Variants in MTCL2 observed in about 807,000 individuals in gnomAD.
The protein encoded by MTCL2 is microtubule cross-linking factor 2.
chr20:36,829,724 G>A, the MTCL2 span, among the ~76,000 whole-genome samples: 1 of 152,036 alleles, frequency 6.6e-6, no homozygotes, highest in African/African-American at 2.4e-5. Flanking sequence ...TCAGCCGGGC[G>A]CAGTGGCTCA....
the MTCL2 span, among the ~76,000 whole-genome samples, chr20:36,850,223 T>C: frequency 6.6e-6 from 1 of 152,062 alleles, no homozygotes; most frequent in Admixed American, 6.6e-5. Context: ...TCCACACCTG[T>C]TTCCCACCTC....
the MTCL2 span, among the ~76,000 whole-genome samples, chr20:36,846,079 G>A: frequency 3.7e-4 from 57 of 152,158 alleles, no homozygotes; most frequent in African/African-American, 1.3e-3. Flanking sequence ...GGTGGCTCAC[G>A]ACTGTAATCC....
At chr20:36,794,932 CT>C in the MTCL2 span, among the ~76,000 whole-genome samples, 35 of 147,360 alleles carry the variant, frequency 2.4e-4, no homozygotes, top group African/African-American at 7.7e-4. This position sits in a 1 kb window ranked among gnomAD's most constrained non-coding sequence, Gnocchi z 5.4. Flanking sequence ...CCAAACCTGG[CT>C]TTTTTTTTTC....
At chr20:36,792,370 A>T in the MTCL2 span, among the ~76,000 whole-genome samples, 2 of 152,124 alleles carry the variant, frequency 1.3e-5, no homozygotes, top group African/African-American at 2.4e-5. Flanking sequence ...TTAGCCGGGC[A>T]TGGTGGCAGG....
At chr20:36,810,717 C>CCTCCCTCTCTCTCTCT in the MTCL2 span, among the ~76,000 whole-genome samples, 2 of 94,194 alleles carry the variant, frequency 2.1e-5, no homozygotes. Flanking sequence ...TCTCTCTCTC[C>CCTCCCTCTCTCTCTCT]CTCTCTCTCT....
At chr20:36,828,235 G>C in the MTCL2 span, among the ~76,000 whole-genome samples, 1 of 152,176 alleles carries the variant, frequency 6.6e-6, no homozygotes, top group African/African-American at 2.4e-5. Flanking sequence ...CTGGAATGGG[G>C]GGATTCCAGC....
chr20:36,852,682 C>A, the MTCL2 span, among the ~76,000 whole-genome samples: 1 of 152,212 alleles, frequency 6.6e-6, no homozygotes, highest in East Asian at 1.9e-4. Flanking sequence ...ACTCTGGGCA[C>A]CTGTCTCCCA....
chr20:36,817,517 G>T, the MTCL2 span: 20 of 1,496,160 alleles, frequency 1.3e-5, no homozygotes, highest in Admixed American at 4.5e-4. Flanking sequence ...AGGACTGAAA[G>T]CTCACAGAAT....
the MTCL2 span, among the ~76,000 whole-genome samples, chr20:36,798,851 G>C: frequency 6.6e-6 from 1 of 152,086 alleles, no homozygotes; most frequent in African/African-American, 2.4e-5. Flanking sequence ...TGTTTGCATT[G>C]AAAGTCCCAT....
the MTCL2 span, among the ~76,000 whole-genome samples, chr20:36,806,558 C>T: frequency 6.6e-6 from 1 of 151,712 alleles, no homozygotes; most frequent in African/African-American, 2.4e-5. Flanking sequence ...CTCACTGTGT[C>T]ATCCAGGCTA....
At chr20:36,859,773 C>T in the MTCL2 span, 1 of 1,231,756 alleles carries the variant, frequency 8.1e-7, no homozygotes, top group South Asian at 4.1e-5. Context: ...TCCTTCAACT[C>T]TGCTCCTGCA....
chr20:36,840,188 G>A, the MTCL2 span, among the ~76,000 whole-genome samples: 692 of 143,944 alleles, frequency 4.8e-3, 10 homozygotes, highest in East Asian at 0.03. Context: ...TTTTTGAGAC[G>A]GAGTCTCGCT....
chr20:36,804,958 C>G, the MTCL2 span: 1 of 1,582,146 alleles, frequency 6.3e-7, no homozygotes, highest in African/African-American at 1.3e-5. Context: ...GGGAGGGGAA[C>G]CTGGGTTCAG....
At chr20:36,790,369 C>G in the MTCL2 span, among the ~76,000 whole-genome samples, 1 of 151,318 alleles carries the variant, frequency 6.6e-6, no homozygotes, top group Non-Finnish European at 1.5e-5. Flanking sequence ...TTCAAGCAAT[C>G]CACCTCTCTC....
the MTCL2 span, among the ~76,000 whole-genome samples, chr20:36,827,182 G>C: frequency 6.6e-6 from 1 of 151,606 alleles, no homozygotes; most frequent in Non-Finnish European, 1.5e-5. Flanking sequence ...CCAAGTACCT[G>C]GGATTACAGG....
the MTCL2 span, among the ~76,000 whole-genome samples, chr20:36,848,683 A>C: frequency 2.0e-5 from 3 of 152,252 alleles, no homozygotes; most frequent in Non-Finnish European, 4.4e-5. Flanking sequence ...ACCTCCAAGC[A>C]GGACTCAAAG....
chr20:36,789,633 C>T, the MTCL2 span, among the ~76,000 whole-genome samples: 94 of 151,862 alleles, frequency 6.2e-4, 1 homozygote, highest in East Asian at 0.018. Context: ...CCACTGCATT[C>T]CAACCTGGGT....
At chr20:36,784,149 G>A in the MTCL2 span, 2 of 985,718 alleles carry the variant, frequency 2.0e-6, no homozygotes, top group South Asian at 4.7e-5. Flanking sequence ...GCTCTGGGAG[G>A]TGGCAGAAGG....
chr20:36,863,339 C>T, the MTCL2 span: 17 of 1,173,462 alleles, frequency 1.4e-5, no homozygotes, highest in Non-Finnish European at 3.2e-6. The surrounding 1 kb of genome is among the most constrained non-coding windows in gnomAD (Gnocchi z 6.2). Flanking sequence ...CCGCCGGCGC[C>T]TCCATCGCGG....
Sources: gnomAD v4.1 joint callset for allele counts (sites outside exome capture counted in the v4.1 genomes callset) on GRCh38, gnomAD v4.1.1 for gene constraint, Gnocchi (gnomAD v3.1) non-coding constraint, MANE v1.5 for transcripts, NCBI Gene and HGNC (gene_info 2026-07-23, HGNC 2026-07-21) for gene names.